Variants in SEMA6A observed in about 807,000 individuals in gnomAD.
The protein encoded by SEMA6A is semaphorin 6A, also known as semaphorin-6A.
A neutral mutation model predicts 96.8 loss-of-function variants in SEMA6A; 25 were observed. That is an observed-to-expected ratio of 0.26 (90% CI 0.19 to 0.36). The LOEUF is 0.36. SEMA6A is among the 10% of genes least tolerant of loss of function. SEMA6A has a pLI of 1.00. For synonymous variants in SEMA6A, 612 were observed against 518.0 expected, an observed-to-expected ratio of 1.18 and a Z score of -2.46; for missense variants, 1,363 against 1,323.1, an observed-to-expected ratio of 1.03 and a Z score of -0.47.
intron 10 of SEMA6A, 126 bp downstream of exon 10, chr5:116,486,623 C>A: frequency 2.7e-6 from 2 of 732,716 alleles, no homozygotes; most frequent in South Asian, 1.8e-5. Flanking sequence ...GTGTTAAGTG[C>A]TTCTTAGCTA....
At chr5:116,461,582 G>T (rs1755399151) in intron 18 of SEMA6A, among the ~76,000 whole-genome samples, 1 of 151,978 alleles carries the variant, frequency 6.6e-6, no homozygotes, top group Admixed American at 6.6e-5. Flanking sequence ...CGTCTTCCTT[G>T]TCAGGTGATG....
chr5:116,447,483 C>T lies in SEMA6A; in HGVS notation c.2223G>A (p.Met741Ile), dbSNP rs1754307296. The T allele has an allele frequency of 2.5e-6, 4 of 1,613,974 alleles. No individual in the cohort carries two copies. The highest frequency in any genetic ancestry group is 3.4e-6 in the Non-Finnish European group (4 of 1,179,916). The change falls in exon 19 of 19, where the codon ATG (methionine) becomes ATA (isoleucine). Residue 741 changes from methionine (M) to isoleucine (I), a missense_variant. Physicochemically the swap from Met to Ile is conservative, Grantham distance 10. Around this residue, in one of 2 missense-constraint regions of SEMA6A, gnomAD observed 883 missense variants for 763.6 expected, o/e 1.16. Coordinates refer to ENST00000343348, the MANE Select transcript of SEMA6A (RefSeq NM_020796.5). ...GGTGGTGCTGGTCTGCTTTAATGAG[C>T]ATCTTGGCCGTGTTGCCGGGAGTGG... ...KLATPGNTAK[M>I]LIKADQHHLD...
Position 116,447,256 on chromosome 5 carries a change from A to G in SEMA6A, c.2450T>C (p.Val817Ala). 4 of 1,613,928 alleles carry G rather than the reference A, an allele frequency of 2.5e-6. No homozygotes were observed. Among genetic ancestry groups the G allele is most frequent in the Non-Finnish European group, 3.4e-6 (4 of 1,179,890 alleles). The part of the protein sequence containing the change: ...ASPSHIPSVV[V>A]LPITQQGYQH... The stretch of plus-strand genomic sequence containing the variant: ...GTAGCCCTGCTGCGTGATGGGCAGG[A>G]CCACCACGCTGGGGATGTGGCTGGG... The change falls in exon 19 of 19, where the codon GTC becomes GCC. Residue 817 changes from valine to alanine, a missense_variant. By Grantham distance (64) the Val-to-Ala change is moderately conservative. Transcript: ENST00000343348.
intron 1 of SEMA6A, chr5:116,550,791 GGAT>G: frequency 6.6e-6 from 1 of 152,258 alleles, no homozygotes; most frequent in East Asian, 1.9e-4. Flanking sequence ...ATTATTCTCA[GGAT>G]GATTAATTAA....
rs1254854580 is a variant in SEMA6A at position 116,447,822 on chromosome 5, C to G, written c.1895-11G>C. ...TTTCCCGAATCACTCCTGCAATAGA[C>G]ATCGCATATGGCGTTAAGAAATGAA... On this transcript the variant is annotated splice_polypyrimidine_tract_variant and intron_variant, in intron 18 of 18. Coordinates refer to ENST00000343348, the MANE Select transcript of SEMA6A (RefSeq NM_020796.5). 1.1e-5 allele frequency: 17 copies of G among 1,571,926 alleles called. No individual in the cohort carries two copies. The highest frequency in any genetic ancestry group is 1.4e-5 in the African/African-American group (1 of 73,948).
Position 116,520,142 on chromosome 5 carries a change from A to C in SEMA6A, c.-38-15160T>G, listed in dbSNP as rs540017993. Among the ~76,000 whole-genome samples the C allele has an allele frequency of 1.7e-3, 258 of 151,880 alleles. 2 individuals carry two copies. The highest frequency in any genetic ancestry group is 5.7e-3 in the African/African-American group (237 of 41,446). ...GCTTTCCTCAAATGCACAAGCTCTC[A>C]TTCCTGCCTCATGGACTTTCTGCTC... On this transcript the variant is annotated intron_variant, in intron 1 of 18. Transcript: ENST00000343348.
At chr5:116,472,855 TAAA>T (rs200871722) in intron 17 of SEMA6A, 659 of 1,335,686 alleles carry the variant, frequency 4.9e-4, no homozygotes, top group South Asian at 1.2e-3. Context: ...TTCACGAATT[TAAA>T]AAAAAAAAAA....
intron 10 of SEMA6A, among the ~76,000 whole-genome samples, chr5:116,486,457 A>C (rs934014892): frequency 1.3e-5 from 2 of 152,212 alleles, no homozygotes; most frequent in Non-Finnish European, 2.9e-5. Flanking sequence ...TCTAGTTTCT[A>C]GGATTACTAG....
chr5:116,552,055 T>A lies in SEMA6A; in HGVS notation c.-39+22130A>T, dbSNP rs192851878. On this transcript the variant is annotated intron_variant, in intron 1 of 18. Transcript: ENST00000343348. ...ATGGTGACAAAGGAAAATACAGGCA[T>A]GCCAATCACTACCCACCAAATGTCC... is the stretch of plus-strand genomic sequence containing the variant. Among the ~76,000 whole-genome samples, 17 of 149,614 alleles carry A rather than the reference T, an allele frequency of 1.1e-4. No individual in the cohort carries two copies. The East Asian group carries it at 2.8e-3, about 25-fold the overall frequency.
intron 7 of SEMA6A, among the ~76,000 whole-genome samples, 195 bp downstream of exon 7, chr5:116,491,545 A>C (rs1313100371): frequency 6.6e-6 from 1 of 152,144 alleles, no homozygotes; most frequent in African/African-American, 2.4e-5. Context: ...AGGCACAAAC[A>C]CATGGGTAAG....
At chr5:116,495,546 GTCC>G in intron 5 of SEMA6A, 32 bp from the exon 6 acceptor site, 1 of 1,442,058 alleles carries the variant, frequency 6.9e-7, no homozygotes, top group Non-Finnish European at 9.6e-7. Context: ...TTTGTATCAT[GTCC>G]ATTCAGTACA....
intron 3 of SEMA6A, 37 bp from the exon 4 acceptor site, chr5:116,497,424 A>C: frequency 7.5e-7 from 1 of 1,324,760 alleles, no homozygotes; most frequent in Non-Finnish European, 1.1e-6. Flanking sequence ...GGTCAAACAC[A>C]GAGTCAAAAC....
chr5:116,553,992 T>A (rs75714903), intron 1 of SEMA6A, among the ~76,000 whole-genome samples: 5,940 of 152,238 alleles, frequency 0.039, 117 homozygotes, highest in African/African-American at 0.044. Context: ...TAAATCTGTA[T>A]TCCTGGAGAG....
intron 6 of SEMA6A, among the ~76,000 whole-genome samples, chr5:116,495,165 G>C (rs890962184): frequency 1.3e-5 from 2 of 152,142 alleles, no homozygotes; most frequent in African/African-American, 4.8e-5. Context: ...CTGAACAATA[G>C]AGAAAAGGGT....
chr5:116,540,809 C>A (rs973112168), intron 1 of SEMA6A, among the ~76,000 whole-genome samples: 1 of 152,162 alleles, frequency 6.6e-6, no homozygotes, highest in East Asian at 1.9e-4. Context: ...GGCACCAATA[C>A]CTGCCAACAA....
At chr5:116,520,678 TAACACAC>T (rs1485652337) in intron 1 of SEMA6A, among the ~76,000 whole-genome samples, 1 of 152,168 alleles carries the variant, frequency 6.6e-6, no homozygotes, top group Non-Finnish European at 1.5e-5. Flanking sequence ...GCAGCCCCTG[TAACACAC>T]ACATGGACTA....
chr5:116,503,466 A>G (rs1308699360), intron 2 of SEMA6A, among the ~76,000 whole-genome samples: 3 of 151,754 alleles, frequency 2.0e-5, no homozygotes, highest in African/African-American at 7.3e-5. Flanking sequence ...CATGGATTTG[A>G]GTGATCACTG....
chr5:116,478,581 C>T lies in SEMA6A; in HGVS notation c.1388G>A (p.Ser463Asn). ...AACACTCATCTCCTCCAGGAAAAGG[C>T]TGTCATTTAGAAAACCACTATTTCC... is the stretch of plus-strand genomic sequence containing the variant. ...RIGNSGFLND[S>N]LFLEEMSVYN... is the part of the protein sequence containing the mutation. Residue 463 changes from serine to asparagine, a missense_variant, in exon 13 of 19, where the codon AGC (serine) becomes AAC (asparagine). By Grantham distance (46) the Ser-to-Asn change is conservative. Coordinates refer to ENST00000343348, the MANE Select transcript of SEMA6A (RefSeq NM_020796.5). 1 of 1,613,042 alleles carries T rather than the reference C, an allele frequency of 6.2e-7. No individual in the cohort carries two copies.
chr5:116,491,043 T>G (rs1412156032), intron 7 of SEMA6A, among the ~76,000 whole-genome samples: 1 of 152,168 alleles, frequency 6.6e-6, no homozygotes, highest in African/African-American at 2.4e-5. Context: ...CCTAAGCAAT[T>G]AGCACCCTCC....
Sources: gnomAD v4.1 joint callset for allele counts (sites outside exome capture counted in the v4.1 genomes callset) on GRCh38, gnomAD v4.1.1 for gene constraint, gnomAD v4.1.1 regional missense constraint, MANE v1.5 for transcripts, NCBI Gene and HGNC (gene_info 2026-07-23, HGNC 2026-07-21) for gene names.